Variants in PPRC1 observed in about 807,000 individuals in gnomAD.
PPRC1 encodes PPARG related coactivator 1, also known as peroxisome proliferator-activated receptor gamma coactivator-related protein 1.
In PPRC1, 23 loss-of-function variants were observed where a neutral mutation model predicts 132.5. That is an observed-to-expected ratio of 0.17 (90% CI 0.12 to 0.25). PPRC1 has a LOEUF of 0.25. Among genes scored for constraint, PPRC1 ranks in the 10% least tolerant of loss-of-function variants. The pLI is 1.00. For synonymous variants in PPRC1, 872 were observed against 833.5 expected (o/e 1.05, Z -0.80); for missense variants, 2,006 against 2,089.1 (o/e 0.96, Z 0.78).
At chr10:102,122,230 AG>A in the PPRC1 span, among the ~76,000 whole-genome samples, 1 of 152,190 alleles carries the variant, frequency 6.6e-6, no homozygotes, top group African/African-American at 2.4e-5. Context: ...TAGAGGGAGT[AG>A]AGAGAACATA....
In PPRC1 at chr10:102,141,965, G is replaced by A. The variant is rs756724121; in HGVS notation, c.3457G>A (p.Gly1153Ser). 2.5e-6 allele frequency: 4 copies of A among 1,613,646 alleles called. No individual in the cohort carries two copies. Among genetic ancestry groups the A allele is most frequent in the Non-Finnish European group, 3.4e-6 (4 of 1,179,706 alleles). ...LSFLPTPRTQ[G>S]SEDVVQAFIS... ...CTTCCTGCCTACCCCACGTACTCAG[G>A]GTTCTGAAGATGTGGTACAGGCTTT... The change falls in exon 5 of 14, where the codon GGT becomes AGT. Residue 1153 changes from glycine (G) to serine (S), a missense_variant. Physicochemically the swap from Gly to Ser is moderately conservative, Grantham distance 56 (BLOSUM62 0). This residue lies in a region of PPRC1 where 1,914 missense variants were observed against 1,917.2 expected (regional missense o/e 1.00). Transcript: ENST00000278070.
chr10:102,142,381 G>A (rs1402086560), intron 5 of PPRC1, among the ~76,000 whole-genome samples: 1 of 126,644 alleles, frequency 7.9e-6, no homozygotes, highest in Non-Finnish European at 1.6e-5. Flanking sequence ...GATTATAGGC[G>A]TGAGCCGCTG....
the PPRC1 span, chr10:102,120,285 C>T: frequency 1.0e-6 from 1 of 984,088 alleles, no homozygotes; most frequent in African/African-American, 1.8e-5. Flanking sequence ...GCCTGTCAGG[C>T]GCGGAGCAGA....
the PPRC1 span, among the ~76,000 whole-genome samples, chr10:102,121,519 A>T: frequency 6.6e-6 from 1 of 151,898 alleles, no homozygotes; most frequent in South Asian, 2.1e-4. Flanking sequence ...GGACTCCCCA[A>T]CCCAGCCCTA....
At chr10:102,121,167 C>A in the PPRC1 span, among the ~76,000 whole-genome samples, 1 of 152,038 alleles carries the variant, frequency 6.6e-6, no homozygotes, top group Non-Finnish European at 1.5e-5. Context: ...GGAATGACCA[C>A]CAGATTGGAT....
At chr10:102,137,780 T>C in intron 1 of PPRC1, 70 bp from the exon 2 acceptor site, 1 of 1,464,034 alleles carries the variant, frequency 6.8e-7, no homozygotes, top group Non-Finnish European at 9.3e-7. Context: ...GGAGGGTACC[T>C]GATTTATGGA....
the PPRC1 span, among the ~76,000 whole-genome samples, chr10:102,126,028 A>G: frequency 6.6e-6 from 1 of 151,952 alleles, no homozygotes; most frequent in Non-Finnish European, 1.5e-5. Context: ...ATGCCCGGCT[A>G]ATATTTTGTA....
At chr10:102,120,175 C>T in the PPRC1 span, 1 of 1,180,982 alleles carries the variant, frequency 8.5e-7, no homozygotes, top group Non-Finnish European at 1.0e-6. Context: ...GGGGACAGGC[C>T]GGGCATGAGC....
At chr10:102,131,151 C>T (rs1189707420), upstream of PPRC1, among the ~76,000 whole-genome samples, 31 of 148,266 alleles carry the variant, frequency 2.1e-4, no homozygotes, top group South Asian at 2.1e-4. Context: ...GCCAAGATCG[C>T]GCCACTGCAC....
rs1449394963 is a variant in PPRC1 at position 102,148,692 on chromosome 10, A to G, written c.4615A>G (p.Ile1539Val). ...RQRVLQKERA[I>V]EERRVVFIGK... ...AAGAGTGCTACAAAAGGAGCGTGCA[A>G]TAGTGAGTAGAGGAACAGATCATGG... Residue 1539 changes from isoleucine (I) to valine (V), a missense_variant and splice_region_variant, in exon 11 of 14, where the codon ATA (isoleucine) becomes GTA (valine). Ile to Val is a conservative substitution (Grantham distance 29). Transcript: ENST00000278070. The surrounding 1 kb of genome is among the most constrained non-coding windows in gnomAD (Gnocchi z 4.2). 6.2e-7 allele frequency: 1 copy of G among 1,614,164 alleles called. No individual in the cohort carries two copies. The highest frequency in any genetic ancestry group is 2.2e-5 in the East Asian group (1 of 44,886).
At chr10:102,144,454 C>T in intron 7 of PPRC1, 147 bp downstream of exon 7, 1 of 733,362 alleles carries the variant, frequency 1.4e-6, no homozygotes, top group Non-Finnish European at 2.3e-6. Flanking sequence ...CTTACTCTGC[C>T]TATCACTACC....
rs748036766 is a variant in PPRC1 at position 102,147,191 on chromosome 10, G to A, written c.4199G>A (p.Arg1400Gln). 1.1e-5 allele frequency: 17 copies of A among 1,613,870 alleles called. No individual in the cohort carries two copies. Among genetic ancestry groups the A allele is most frequent in the East Asian group, 6.7e-5 (3 of 44,892 alleles). ...RTPPEPSAKQRSMRCYRKACR... is the reference protein window; with the variant it reads ...RTPPEPSAKQQSMRCYRKACR... Reference sequence around the variant, plus strand: ...CCCCCTGAACCCTCAGCCAAGCAGCGGTCAATGCGCTGTTACCGAAAAGCC... The same window carrying A: ...CCCCCTGAACCCTCAGCCAAGCAGCAGTCAATGCGCTGTTACCGAAAAGCC... Residue 1400 changes from arginine to glutamine, a missense_variant, in exon 9 of 14, where the codon CGG becomes CAG. Around this residue, in one of 2 missense-constraint regions of PPRC1, gnomAD observed 1,914 missense variants for 1,917.2 expected, o/e 1.00. Coordinates refer to ENST00000278070, the MANE Select transcript of PPRC1 (RefSeq NM_015062.5).
upstream of PPRC1, among the ~76,000 whole-genome samples, chr10:102,128,541 G>A (rs2068496229): frequency 6.6e-6 from 1 of 151,984 alleles, no homozygotes; most frequent in East Asian, 1.9e-4. Flanking sequence ...TCCAAAAGAG[G>A]GAGAAAGAGA....
chr10:102,144,404 G>T, intron 7 of PPRC1, 97 bp downstream of exon 7: 3 of 1,140,128 alleles, frequency 2.6e-6, no homozygotes, highest in Non-Finnish European at 3.8e-6. Flanking sequence ...TTGCAGGGAC[G>T]CTGTAGTCAG....
intron 1 of PPRC1, among the ~76,000 whole-genome samples, chr10:102,136,027 G>A (rs2068709919): frequency 6.6e-6 from 1 of 152,152 alleles, no homozygotes; most frequent in African/African-American, 2.4e-5. Context: ...AGAGAGCTGG[G>A]CATTGTCTTG....
Position 102,139,831 on chromosome 10 carries a change from G to T in PPRC1, c.1323G>T (p.Glu441Asp), listed in dbSNP as rs748676604. Reference sequence around the variant, plus strand: ...TCGTGGAGCCGGTGGTGCCCAAGGAGCCTCAGAACCCACCTGCCAATGCAG... The same window carrying T: ...TCGTGGAGCCGGTGGTGCCCAAGGATCCTCAGAACCCACCTGCCAATGCAG... ...REVVEPVVPK[E>D]PQNPPANAAP... Residue 441 changes from glutamate to aspartate, a missense_variant, in exon 5 of 14, where the codon GAG (glutamate) becomes GAT (aspartate). Coordinates refer to ENST00000278070, the MANE Select transcript of PPRC1 (RefSeq NM_015062.5). The T allele has an allele frequency of 5.0e-6, 8 of 1,614,108 alleles. No individual in the cohort carries two copies. Among genetic ancestry groups the T allele is most frequent in the Middle Eastern group, 1.7e-4 (1 of 6,058 alleles).
rs905888186 is a variant in PPRC1 at position 102,140,268 on chromosome 10, T to C, written c.1760T>C (p.Val587Ala). The C allele has an allele frequency of 1.2e-6, 2 of 1,614,098 alleles. No homozygotes were observed. The highest frequency in any genetic ancestry group is 2.7e-5 in the African/African-American group (2 of 74,930). The part of the protein sequence containing the change: ...VDSAQASPMP[V>A]DSVEADPTAV... ...TCTGCCCAAGCCAGCCCCATGCCAG[T>C]TGACTCTGTTGAAGCTGATCCCACT... is the stretch of plus-strand genomic sequence containing the variant. The change falls in exon 5 of 14, where the codon GTT becomes GCT. Residue 587 changes from valine to alanine, a missense_variant. Physicochemically the swap from Val to Ala is moderately conservative, Grantham distance 64. Transcript: ENST00000278070.
At chr10:102,136,069 G>T (rs2068711435) in intron 1 of PPRC1, among the ~76,000 whole-genome samples, 1 of 152,192 alleles carries the variant, frequency 6.6e-6, no homozygotes, top group Admixed American at 6.5e-5. Context: ...GGCTCTGGTA[G>T]GTAGGTGGTG....
chr10:102,128,770 A>G (rs1181928248), upstream of PPRC1, among the ~76,000 whole-genome samples: 2 of 149,846 alleles, frequency 1.3e-5, no homozygotes, highest in African/African-American at 4.9e-5. Context: ...ACCCACCACC[A>G]TGCCGGGCTA....
Sources: gnomAD v4.1 joint callset for allele counts (sites outside exome capture counted in the v4.1 genomes callset) on GRCh38, gnomAD v4.1.1 for gene constraint, gnomAD v4.1.1 regional missense constraint, Gnocchi (gnomAD v3.1) non-coding constraint, MANE v1.5 for transcripts, NCBI Gene and HGNC (gene_info 2026-07-23, HGNC 2026-07-21) for gene names.